The following DNER variants were observed in gnomAD, a reference collection of about 807,000 sequenced individuals.
DNER encodes the protein delta/notch like EGF repeat containing.
In DNER, 33 loss-of-function variants were observed where a neutral mutation model predicts 78.2. The observed-to-expected ratio is 0.42, with a 90% CI of 0.32 to 0.56. The LOEUF is 0.56. DNER is among the 20% of genes least tolerant of loss of function. The probability of loss-of-function intolerance (pLI) is 0.11; values close to 1 mark genes in which losing one functional copy is unlikely to be tolerated. For missense variants in DNER, 918 were observed against 975.3 expected, an observed-to-expected ratio of 0.94 and a Z score of 0.78; for synonymous variants, 417 against 384.8, an observed-to-expected ratio of 1.08 and a Z score of -0.98.
At chr2:229,597,218 T>C (rs568987291) in intron 1 of DNER, among the ~76,000 whole-genome samples, 2 of 152,364 alleles carry the variant, frequency 1.3e-5, no homozygotes, top group African/African-American at 2.4e-5. Flanking sequence ...TTGGCGTGTA[T>C]ATTAGTTGTT....
At chr2:229,632,541 C>G (rs762295059) in intron 1 of DNER, among the ~76,000 whole-genome samples, 19 of 152,124 alleles carry the variant, frequency 1.2e-4, no homozygotes, top group Non-Finnish European at 2.8e-4. Flanking sequence ...CATTTACAAT[C>G]AAAGTTCAGG....
intron 4 of DNER, among the ~76,000 whole-genome samples, chr2:229,571,024 A>G (rs964786214): frequency 6.6e-6 from 1 of 152,116 alleles, no homozygotes; most frequent in Non-Finnish European, 1.5e-5. Context: ...CTCCCCAAAT[A>G]TGGTCCCAGT....
At chr2:229,409,339 C>T (rs12999920) in intron 9 of DNER, among the ~76,000 whole-genome samples, 45,310 of 151,634 alleles carry the variant, frequency 0.3, 6,877 homozygotes, top group South Asian at 0.37. Context: ...GTGGGAAATA[C>T]GGCCACCACC....
chr2:229,651,797 TCAAA>T (rs1267903408), intron 1 of DNER, among the ~76,000 whole-genome samples: 1 of 152,140 alleles, frequency 6.6e-6, no homozygotes, highest in Admixed American at 6.5e-5. Context: ...CAACTAGCAA[TCAAA>T]CAGAGTCTAG....
intron 4 of DNER, among the ~76,000 whole-genome samples, chr2:229,554,282 G>C (rs1463690154): frequency 1.3e-5 from 2 of 152,236 alleles, no homozygotes; most frequent in Admixed American, 6.5e-5. Flanking sequence ...ATTCAGCCAG[G>C]CATGGTGGCT....
chr2:229,520,333 C>G (rs913266864), intron 5 of DNER, among the ~76,000 whole-genome samples: 11 of 152,118 alleles, frequency 7.2e-5, no homozygotes, highest in African/African-American at 1.9e-4. Flanking sequence ...GAGGACAGTC[C>G]CAAGCCAAGA....
chr2:229,505,923 A>G (rs919852937), intron 6 of DNER, among the ~76,000 whole-genome samples: 3 of 152,238 alleles, frequency 2.0e-5, no homozygotes, highest in African/African-American at 7.2e-5. Flanking sequence ...AAAGCAGCTT[A>G]CTTAAACCAT....
rs575584312 is a variant in DNER at position 229,710,445 on chromosome 2, CT to C, written c.276+3702del. On this transcript the variant is annotated intron_variant, in intron 1 of 12. Coordinates refer to ENST00000341772, the MANE Select transcript of DNER (RefSeq NM_139072.4). ...GTGTGACATTGGGACAGTCACTTCA[CT>C]TTTCTGTACTTCATCTATAAAATGG... 4.6e-5 allele frequency among the ~76,000 whole-genome samples: 7 copies of C among 152,296 alleles called. No individual in the cohort carries two copies. In the East Asian group the frequency reaches 1.4e-3, roughly 29 times the overall value.
chr2:229,604,739 G>T (rs1358730190), intron 1 of DNER, among the ~76,000 whole-genome samples: 1 of 152,076 alleles, frequency 6.6e-6, no homozygotes, highest in African/African-American at 2.4e-5. Flanking sequence ...ATCTGCTCCC[G>T]GGAATAGGAC....
chr2:229,463,780 C>T (rs78667105), intron 7 of DNER, among the ~76,000 whole-genome samples: 2,300 of 152,178 alleles, frequency 0.015, 71 homozygotes, highest in African/African-American at 0.053. Flanking sequence ...CTGCGTAGCA[C>T]GGGAAAGCAA....
chr2:229,629,574 C>T (rs1365069153), intron 1 of DNER, among the ~76,000 whole-genome samples: 2 of 152,156 alleles, frequency 1.3e-5, no homozygotes, highest in Non-Finnish European at 2.9e-5. Context: ...TACATGGAGT[C>T]AAGTGTCTCA....
At chr2:229,533,229 G>T (rs966579592) in intron 5 of DNER, among the ~76,000 whole-genome samples, 1 of 152,168 alleles carries the variant, frequency 6.6e-6, no homozygotes, top group African/African-American at 2.4e-5. Context: ...CAGAACAGAG[G>T]ATCTCAAAAT....
At chr2:229,504,240 G>A (rs1247278070) in intron 6 of DNER, among the ~76,000 whole-genome samples, 6 of 151,880 alleles carry the variant, frequency 4.0e-5, no homozygotes, top group African/African-American at 1.2e-4. Flanking sequence ...TTATTTTTGA[G>A]ACAGAGTCTC....
rs1699460870 is a variant in DNER, at chr2:229,685,024, C to T, written c.276+29124G>A. 2.0e-5 allele frequency among the ~76,000 whole-genome samples: 3 copies of T among 152,166 alleles called. No individual in the cohort carries two copies. The South Asian group carries it at 6.2e-4, about 32-fold the overall frequency. ...TTCTCTAAAATGCAATCTGGATAAT[C>T]ACTGAATTATTATAATCATTCTCAG... is the stretch of plus-strand genomic sequence containing the variant. On this transcript the variant is annotated intron_variant, in intron 1 of 12. Coordinates refer to ENST00000341772, the MANE Select transcript of DNER (RefSeq NM_139072.4).
intron 10 of DNER, among the ~76,000 whole-genome samples, chr2:229,406,987 G>A (rs1273787195): frequency 6.6e-6 from 1 of 152,156 alleles, no homozygotes; most frequent in Non-Finnish European, 1.5e-5. Context: ...CCTGGGAAAG[G>A]TACAGTAATG....
chr2:229,508,798 G>A (rs896731791), intron 6 of DNER, among the ~76,000 whole-genome samples: 4 of 152,064 alleles, frequency 2.6e-5, no homozygotes, highest in Admixed American at 1.3e-4. Context: ...GGAGAATGGC[G>A]TGAACCTGGG....
chr2:229,563,607 CCAT>C (rs551916753), intron 4 of DNER, among the ~76,000 whole-genome samples: 1 of 143,572 alleles, frequency 7.0e-6, no homozygotes, highest in Non-Finnish European at 1.5e-5. Context: ...CACCCCATCA[CCAT>C]CATCATCATC....
chr2:229,515,889 G>T (rs533448005), intron 5 of DNER, among the ~76,000 whole-genome samples: 5 of 151,938 alleles, frequency 3.3e-5, no homozygotes, highest in African/African-American at 1.2e-4. Context: ...TGATCCTCCC[G>T]CCTCGGCCTC....
intron 1 of DNER, among the ~76,000 whole-genome samples, chr2:229,686,056 C>T (rs1449734986): frequency 6.6e-6 from 1 of 152,080 alleles, no homozygotes; most frequent in African/African-American, 2.4e-5. Flanking sequence ...GGGTGCCCCT[C>T]TGAGAATGGG....
Sources: gnomAD v4.1 joint callset for allele counts (sites outside exome capture counted in the v4.1 genomes callset) on GRCh38, gnomAD v4.1.1 for gene constraint, MANE v1.5 for transcripts, NCBI Gene and HGNC (gene_info 2026-07-23, HGNC 2026-07-21) for gene names.